The following SLIT3 variants were observed in gnomAD, a reference collection of about 807,000 sequenced individuals.
SLIT3 encodes slit guidance ligand 3.
Under a neutral mutation model 184.0 loss-of-function variants are expected in SLIT3, and 68 were observed. The observed-to-expected ratio is 0.37, with a 90% CI of 0.30 to 0.45. The LOEUF (loss-of-function observed/expected upper bound fraction) is 0.45. Ranked by LOEUF, SLIT3 falls within the 20% of genes least tolerant of loss-of-function variation. SLIT3 has a pLI of 1.00. For synonymous variants in SLIT3, 831 were observed against 828.6 expected (o/e 1.00, Z -0.05); for missense variants, 1,707 against 2,026.0 (o/e 0.84, Z 3.02).
At chr5:168,930,084 A>G (rs1010760155) in intron 4 of SLIT3, among the ~76,000 whole-genome samples, 2 of 152,200 alleles carry the variant, frequency 1.3e-5, no homozygotes, top group African/African-American at 4.8e-5. Context: ...GGGAGGTCTC[A>G]CCTGCATTCC....
intron 20 of SLIT3, among the ~76,000 whole-genome samples, chr5:168,739,754 T>C (rs1005905129): frequency 3.9e-5 from 6 of 152,164 alleles, no homozygotes; most frequent in African/African-American, 1.4e-4. Flanking sequence ...CTCCTCCCTT[T>C]TCAAATACAT....
intron 4 of SLIT3, among the ~76,000 whole-genome samples, chr5:169,154,990 AG>A (rs1201823531): frequency 6.6e-6 from 1 of 152,250 alleles, no homozygotes; most frequent in Non-Finnish European, 1.5e-5. Flanking sequence ...CATCAACAGA[AG>A]GAATCATCTA....
intron 3 of SLIT3, among the ~76,000 whole-genome samples, chr5:169,196,875 T>C (rs2544824): frequency 0.034 from 5,225 of 152,100 alleles, 324 homozygotes; most frequent in African/African-American, 0.12. Context: ...CTCTTGGAGG[T>C]CCCTAAGGCA....
chr5:169,164,233 C>T (rs939718000), intron 4 of SLIT3, among the ~76,000 whole-genome samples: 2 of 152,164 alleles, frequency 1.3e-5, no homozygotes, highest in Admixed American at 6.5e-5. Flanking sequence ...CCATCAAGAC[C>T]AGTAAATACA....
chr5:169,024,657 G>C (rs1756744142), intron 4 of SLIT3: 1 of 152,196 alleles, frequency 6.6e-6, no homozygotes, highest in African/African-American at 2.4e-5. Context: ...GGTGGGAACG[G>C]AGTGTGACAC....
chr5:168,718,079 G>A (rs1351668266), intron 23 of SLIT3: 1 of 151,948 alleles, frequency 6.6e-6, no homozygotes, highest in Non-Finnish European at 1.5e-5. Flanking sequence ...ATGTCAAAGT[G>A]CCAACCCTGG....
rs70979115 is a variant in SLIT3 at position 168,952,571 on chromosome 5, T to TAAAA, written c.414-69239_414-69236dup. 7.9e-3 allele frequency among the ~76,000 whole-genome samples: 406 copies of TAAAA among 51,514 alleles called. 4 individuals are homozygous for TAAAA. Among genetic ancestry groups the TAAAA allele is most frequent in the African/African-American group, 0.026 (372 of 14,386 alleles). The allele number at this position is 51,514 out of a possible 152,430, so 33.8% of individuals were successfully genotyped here. On this transcript the variant is annotated intron_variant, in intron 4 of 35. Transcript: ENST00000519560. ...AAAGAGGGGAGAAGGCAAAGGGATTTAAAAAAAAAAAAAAAAGACAGAGAG... is the reference window on the plus strand; with the variant it reads ...AAAGAGGGGAGAAGGCAAAGGGATTTAAAAAAAAAAAAAAAAAAAAGACAGAGAG...
intron 7 of SLIT3, among the ~76,000 whole-genome samples, chr5:168,821,697 T>C (rs1021796661): frequency 6.6e-6 from 1 of 152,240 alleles, no homozygotes; most frequent in African/African-American, 2.4e-5. Context: ...CGAGTATTTG[T>C]TGTGTGCACA....
intron 4 of SLIT3, among the ~76,000 whole-genome samples, chr5:169,060,775 A>G (rs1411011413): frequency 2.6e-5 from 4 of 152,212 alleles, no homozygotes; most frequent in Non-Finnish European, 5.9e-5. Flanking sequence ...CATTGGGCTG[A>G]GTGGAGCAGT....
At chr5:168,797,603 G>A (rs535869944) in intron 9 of SLIT3, among the ~76,000 whole-genome samples, 44 of 152,292 alleles carry the variant, frequency 2.9e-4, no homozygotes, top group African/African-American at 1.1e-3. Flanking sequence ...ATGATGTGAC[G>A]CTGGCCCCAA....
At chr5:168,868,039 G>A (rs1759371081) in intron 5 of SLIT3, among the ~76,000 whole-genome samples, 1 of 152,164 alleles carries the variant, frequency 6.6e-6, no homozygotes, top group African/African-American at 2.4e-5. Flanking sequence ...TCAAAATCAA[G>A]TAATTTCAAA....
At chr5:169,222,023 C>A (rs111730728) in intron 3 of SLIT3, among the ~76,000 whole-genome samples, 101 of 152,254 alleles carry the variant, frequency 6.6e-4, no homozygotes, top group African/African-American at 2.4e-3. Context: ...AAGTTAATGA[C>A]CAGGTGTTGT....
At chr5:169,000,494 G>T (rs1755669154) in intron 4 of SLIT3, among the ~76,000 whole-genome samples, 1 of 146,852 alleles carries the variant, frequency 6.8e-6, no homozygotes, top group Non-Finnish European at 1.5e-5. Context: ...CTACAATGAA[G>T]AATTACTCAA....
chr5:168,776,232 G>C (rs1330342782), intron 12 of SLIT3, among the ~76,000 whole-genome samples: 1 of 152,084 alleles, frequency 6.6e-6, no homozygotes. Flanking sequence ...TTAGCTGCGG[G>C]CCTCATACTC....
intron 7 of SLIT3, among the ~76,000 whole-genome samples, chr5:168,818,720 C>T (rs1159898516): frequency 6.6e-6 from 1 of 152,218 alleles, no homozygotes; most frequent in Non-Finnish European, 1.5e-5. Flanking sequence ...ATAGAGAGAG[C>T]TGAAGGGCTC....
chr5:168,955,189 A>G (rs1045240204), intron 4 of SLIT3, among the ~76,000 whole-genome samples: 5 of 152,196 alleles, frequency 3.3e-5, no homozygotes, highest in African/African-American at 9.6e-5. Context: ...TATAAGTTTG[A>G]CATTGTCAAT....
chr5:169,023,569 C>G (rs1175542283), intron 4 of SLIT3: 1 of 152,054 alleles, frequency 6.6e-6, no homozygotes, highest in Non-Finnish European at 1.5e-5. Flanking sequence ...CTTGCTTGCT[C>G]TCTTCCTCAT....
chr5:168,992,891 C>T (rs1181662339), intron 4 of SLIT3: 1 of 152,210 alleles, frequency 6.6e-6, no homozygotes, highest in Admixed American at 6.5e-5. Context: ...ACACAGTGTT[C>T]CCTTGTACTA....
chr5:168,707,900 T>C (rs2113306834), intron 26 of SLIT3, 76 bp downstream of exon 26: 2 of 1,577,004 alleles, frequency 1.3e-6, no homozygotes, highest in African/African-American at 2.7e-5. Flanking sequence ...ACGCAGGGCA[T>C]GGTGCCCCTC....
Sources: allele counts gnomAD v4.1 joint callset (sites outside exome capture counted in the v4.1 genomes callset), GRCh38; gene constraint gnomAD v4.1.1; transcripts MANE v1.5; gene names NCBI Gene and HGNC (gene_info 2026-07-23, HGNC 2026-07-21).